RNF128: variants seen among roughly 807,000 people sequenced by gnomAD.
The protein encoded by RNF128 is ring finger protein 128.
In RNF128, 13 loss-of-function variants were observed where a neutral mutation model predicts 26.2. The ratio of observed to expected loss-of-function variants is 0.50; its 90% confidence interval spans 0.32 to 0.79. The LOEUF (loss-of-function observed/expected upper bound fraction) is 0.79. Among genes scored for constraint, RNF128 ranks in the 30% least tolerant of loss-of-function variants. RNF128 has a pLI of 0.03. For synonymous variants in RNF128, 149 were observed against 142.5 expected (o/e 1.05, Z -0.32); for missense variants, 315 against 349.7 (o/e 0.90, Z 0.79).
At chrX:106,739,458 C>A (rs768481881) in intron 1 of RNF128, among the ~76,000 whole-genome samples, 1 of 111,568 alleles carries the variant, frequency 9.0e-6, no homozygotes, top group African/African-American at 3.3e-5. Flanking sequence ...CATGCCCGGC[C>A]CTCATATTTT....
At chrX:106,694,382 A>C in exon 1 of RNF128, 1 of 1,196,134 alleles carries the variant, frequency 8.4e-7, no homozygotes, top group East Asian at 3.0e-5. Context: ...GAGACTGGCA[A>C]TCAGACGATA....
At chrX:106,747,405 G>A (rs754082208) in intron 1 of RNF128, among the ~76,000 whole-genome samples, 1 of 111,451 alleles carries the variant, frequency 9.0e-6, no homozygotes, top group Admixed American at 9.6e-5. Flanking sequence ...TTTGGGATGA[G>A]CGCTATGTTT....
chrX:106,747,078 C>T (rs1194644063), intron 1 of RNF128, among the ~76,000 whole-genome samples: 1 of 111,676 alleles, frequency 9.0e-6, no homozygotes, highest in Non-Finnish European at 1.9e-5. Context: ...AAAATGACAG[C>T]TTTTTCTGCT....
intron 1 of RNF128, among the ~76,000 whole-genome samples, chrX:106,741,289 C>T (rs1569439603): frequency 1.8e-5 from 2 of 111,456 alleles, no homozygotes; most frequent in East Asian, 5.6e-4. Context: ...CTCTTTTATG[C>T]CCTCTGAAAT....
intron 6 of RNF128, among the ~76,000 whole-genome samples, chrX:106,795,231 T>G (rs1171566787): frequency 5.4e-5 from 6 of 111,695 alleles, no homozygotes; most frequent in Non-Finnish European, 1.1e-4. Flanking sequence ...GGTAATTTTT[T>G]AAGTGCCCAG....
At chrX:106,732,956 A>G (rs745685062) in intron 1 of RNF128, among the ~76,000 whole-genome samples, 76 of 111,383 alleles carry the variant, frequency 6.8e-4, no homozygotes, top group Admixed American at 5.5e-3. Context: ...AGCCCCCTAT[A>G]TCTATGTCCA....
intron 1 of RNF128, among the ~76,000 whole-genome samples, chrX:106,708,521 C>G (rs1290417738): frequency 1.8e-5 from 2 of 112,118 alleles, no homozygotes; most frequent in Non-Finnish European, 3.8e-5. Flanking sequence ...TAATTCTCAC[C>G]AGTGTTTAAT....
intron 1 of RNF128, among the ~76,000 whole-genome samples, chrX:106,769,552 T>TG (rs1487824413): frequency 3.9e-5 from 4 of 102,431 alleles, no homozygotes; most frequent in South Asian, 9.3e-4. Flanking sequence ...CTTTGTTTTT[T>TG]TTTTTTTTTT....
chrX:106,788,364 T>C (rs1203189426), intron 4 of RNF128, among the ~76,000 whole-genome samples: 2 of 49,164 alleles, frequency 4.1e-5, no homozygotes, highest in Admixed American at 3.7e-4. Flanking sequence ...ATACTATATA[T>C]AATATATATT....
chrX:106,694,672 C>A (rs1016033319), intron 1 of RNF128, among the ~76,000 whole-genome samples: 2 of 111,229 alleles, frequency 1.8e-5, no homozygotes, highest in Admixed American at 1.9e-4. Flanking sequence ...GGCATTATAT[C>A]GTGAGTTGCT....
chrX:106,707,852 G>C, intron 1 of RNF128, among the ~76,000 whole-genome samples: 1 of 111,504 alleles, frequency 9.0e-6, no homozygotes, highest in Non-Finnish European at 1.9e-5. Flanking sequence ...ACTTAGCAGG[G>C]ATTAATTCAT....
intron 1 of RNF128, among the ~76,000 whole-genome samples, chrX:106,742,137 A>G (rs1200132236): frequency 3.6e-5 from 4 of 111,752 alleles, no homozygotes; most frequent in Admixed American, 1.9e-4. Flanking sequence ...AATGGTGACA[A>G]TGGAGATATA....
intron 1 of RNF128, among the ~76,000 whole-genome samples, chrX:106,734,520 T>TA (rs1351004416): frequency 8.9e-6 from 1 of 112,043 alleles, no homozygotes; most frequent in Non-Finnish European, 1.9e-5. Flanking sequence ...GCTACTGAAC[T>TA]ATAAACTATT....
At chrX:106,742,343 C>T (rs144023272) in intron 1 of RNF128, among the ~76,000 whole-genome samples, 1,497 of 111,738 alleles carry the variant, frequency 0.013, 9 homozygotes, top group Middle Eastern at 0.028. Flanking sequence ...GTTTGAAAAG[C>T]TATAAACAAA....
chrX:106,754,360 A>T (rs1243274282), intron 1 of RNF128, among the ~76,000 whole-genome samples: 1 of 102,678 alleles, frequency 9.7e-6, no homozygotes, highest in Non-Finnish European at 2.0e-5. Flanking sequence ...AGCTGGGACT[A>T]CAGTGGGACT....
At chrX:106,710,125 A>G (rs1443503862) in intron 1 of RNF128, among the ~76,000 whole-genome samples, 1 of 111,990 alleles carries the variant, frequency 8.9e-6, no homozygotes, top group Non-Finnish European at 1.9e-5. Flanking sequence ...GTAAAGTACC[A>G]TGTTCTACTG....
upstream of RNF128, among the ~76,000 whole-genome samples, chrX:106,724,883 G>A (rs917674861): frequency 8.9e-6 from 1 of 112,161 alleles, no homozygotes; most frequent in African/African-American, 3.2e-5. Flanking sequence ...GAGAGTTGAT[G>A]TCTTATTTGA....
In RNF128 at chrX:106,764,064, G is replaced by A. The variant is rs1160318827; in HGVS notation, c.485-8849G>A. Among the ~76,000 whole-genome samples, 17 of 108,818 alleles carry A rather than the reference G, an allele frequency of 1.6e-4. 1 individual carries two copies. Among genetic ancestry groups the A allele is most frequent in the Admixed American group, 2.9e-4 (3 of 10,252 alleles). The allele number at this position is 108,818 out of a possible 115,157, so 94.5% of individuals were successfully genotyped here. A position where few individuals can be genotyped will look rare whatever the true frequency, so the allele number is the denominator to read the frequency against. ...TGCAAGCTCCACCTCCCGGGTTCAC[G>A]CCATTCTCCTGCCTCAGCCTCCCCA... On this transcript the variant is annotated intron_variant, in intron 1 of 6. Coordinates refer to ENST00000255499, the MANE Select transcript of RNF128 (RefSeq NM_194463.2).
chrX:106,765,882 C>A (rs368178339), intron 1 of RNF128, among the ~76,000 whole-genome samples: 3 of 98,965 alleles, frequency 3.0e-5, no homozygotes, highest in Non-Finnish European at 6.1e-5. Context: ...CCCCACCCCA[C>A]GACAGGCTCC....
Sources: gnomAD v4.1 joint callset for allele counts (sites outside exome capture counted in the v4.1 genomes callset) on GRCh38, gnomAD v4.1.1 for gene constraint, MANE v1.5 for transcripts, NCBI Gene and HGNC (gene_info 2026-07-23, HGNC 2026-07-21) for gene names.